LONP1: variants seen among roughly 807,000 people sequenced by gnomAD.
The protein encoded by LONP1 is lon protease homolog, mitochondrial.
Under a neutral mutation model 98.5 loss-of-function variants are expected in LONP1, and 31 were observed. The ratio of observed to expected loss-of-function variants is 0.31; its 90% CI spans 0.24 to 0.42. The LOEUF (loss-of-function observed/expected upper bound fraction) is 0.42. LONP1 is among the 20% of genes least tolerant of loss of function. LONP1 has a pLI of 1.00. For synonymous variants in LONP1, 781 were observed against 594.7 expected (o/e 1.31, Z -4.56); for missense variants, 1,336 against 1,350.6 (o/e 0.99, Z 0.17).
At chr19:5,716,830 G>C (rs1348203786) in intron 1 of LONP1, among the ~76,000 whole-genome samples, 3 of 152,192 alleles carry the variant, frequency 2.0e-5, no homozygotes, top group African/African-American at 7.2e-5. Flanking sequence ...GTCTTGCTCT[G>C]TCGCCCAGGC....
In LONP1 at chr19:5,719,889, C is replaced by T. The variant is rs2055405037; in HGVS notation, c.244G>A (p.Gly82Ser). The T allele has an allele frequency of 1.9e-6, 3 of 1,567,162 alleles. No homozygotes were observed. Among genetic ancestry groups the T allele is most frequent in the South Asian group, 1.2e-5 (1 of 86,850 alleles). Reference protein sequence around the residue: ...SSRGGGAFSGGEDASEGGAEE... With the variant: ...SSRGGGAFSGSEDASEGGAEE... ...GCGCCGCCCTCGGAGGCGTCCTCGC[C>T]CCCCGAGAATGCGCCTCCGCCGCGG... The change falls in exon 1 of 18, where the codon GGC becomes AGC. Residue 82 changes from glycine to serine, a missense_variant. Coordinates refer to ENST00000360614, the MANE Select transcript of LONP1 (RefSeq NM_004793.4).
At chr19:5,702,806 A>C (rs553834440) in intron 8 of LONP1, among the ~76,000 whole-genome samples, 1 of 151,356 alleles carries the variant, frequency 6.6e-6, no homozygotes, top group South Asian at 2.1e-4. Context: ...TGTTAAACAG[A>C]TGCTTGAAGG....
At chr19:5,697,799 C>T (rs1033950078) in intron 10 of LONP1, among the ~76,000 whole-genome samples, 22 of 152,122 alleles carry the variant, frequency 1.4e-4, no homozygotes, top group African/African-American at 4.8e-4. Flanking sequence ...AGACGCCTGC[C>T]CTCCCCGCAG....
chr19:5,694,108 C>T (rs372645806), intron 15 of LONP1, among the ~76,000 whole-genome samples: 23 of 152,322 alleles, frequency 1.5e-4, no homozygotes, highest in African/African-American at 5.1e-4. Flanking sequence ...CTCCTTTGTG[C>T]GTGGTGGCCC....
chr19:5,718,344 G>A (rs1272926204), intron 1 of LONP1, among the ~76,000 whole-genome samples: 3 of 152,094 alleles, frequency 2.0e-5, no homozygotes. Context: ...CAGCCACGGT[G>A]GCGGGCGCCT....
At chr19:5,717,398 C>T (rs2055340294) in intron 1 of LONP1, 1 of 152,218 alleles carries the variant, frequency 6.6e-6, no homozygotes, top group African/African-American at 2.4e-5. Context: ...TTATGATTTA[C>T]AATGCATCAT....
chr19:5,701,596 G>T (rs2055044897), intron 8 of LONP1, among the ~76,000 whole-genome samples: 3 of 152,226 alleles, frequency 2.0e-5, no homozygotes, highest in Non-Finnish European at 4.4e-5. Flanking sequence ...GCCTCCCGAG[G>T]TGCCGGGATT....
At chr19:5,693,908 G>A (rs1033402334) in intron 15 of LONP1, 139 bp from the exon 16 acceptor site, 16 of 721,066 alleles carry the variant, frequency 2.2e-5, no homozygotes, top group African/African-American at 1.9e-4. Flanking sequence ...GTGTCCCATC[G>A]TGAGCCAACG....
chr19:5,697,959 A>T (rs1164376544), intron 10 of LONP1, among the ~76,000 whole-genome samples: 1 of 151,660 alleles, frequency 6.6e-6, no homozygotes, highest in Non-Finnish European at 1.5e-5. Context: ...CTTGCCCAGG[A>T]AGGACTGGGT....
chr19:5,715,643 TAAAAAAAAAAAAAAAAAAAAAAAA>T (rs527565499), intron 1 of LONP1, among the ~76,000 whole-genome samples: 2 of 31,092 alleles, frequency 6.4e-5, no homozygotes, highest in Admixed American at 5.6e-4. Context: ...CTCTGTCTCA[TAAAAAAAAAAAAAAAAAAAAAAAA>T]AAAAAAAAAA....
intron 13 of LONP1, 56 bp downstream of exon 13, chr19:5,695,998 T>TG (rs887899579): frequency 9.9e-6 from 15 of 1,515,756 alleles, no homozygotes; most frequent in African/African-American, 6.8e-5. Flanking sequence ...CTGCAGGCTC[T>TG]GGGGGGCGCC....
In LONP1 at chr19:5,708,394, C is replaced by T; in HGVS notation, c.880G>A (p.Ala294Thr). 1 of 1,601,134 alleles carries T rather than the reference C, an allele frequency of 6.2e-7. No individual in the cohort carries two copies. The highest frequency in any genetic ancestry group is 8.5e-7 in the Non-Finnish European group (1 of 1,173,902). Residue 294 changes from alanine to threonine, a missense_variant, in exon 5 of 18, where the codon GCA becomes ACA. Ala to Thr is a moderately conservative substitution (Grantham distance 58). Transcript: ENST00000360614. ...QVTEEVKALT[A>T]EIVKTIRDII... is the part of the protein sequence containing the mutation. Reference sequence around the variant, plus strand: ...TCCCGGATGGTCTTCACGATCTCTGCAGTCAGGGCCTGCCAAGTATGGGGC... The same window carrying T: ...TCCCGGATGGTCTTCACGATCTCTGTAGTCAGGGCCTGCCAAGTATGGGGC...
At position 5,692,219 on chromosome 19, in the gene LONP1, A is replaced by T. The variant is rs1203308500; in HGVS notation, c.2704-11T>A. ...CCCTGCGCGCTTGGCCTGGGGGCAG[A>T]GTCAGGGTCAGCCCTGCCTGGGCCT... On this transcript the variant is annotated splice_polypyrimidine_tract_variant and intron_variant, in intron 17 of 17. Coordinates refer to ENST00000360614, the MANE Select transcript of LONP1 (RefSeq NM_004793.4). 3.1e-6 allele frequency: 5 copies of T among 1,606,338 alleles called. No individual in the cohort carries two copies. The African/African-American group carries it at 4.0e-5, about 13-fold the overall frequency.
intron 1 of LONP1, chr19:5,715,046 CAAAAAAAAAAAAAA>C (rs5826897): frequency 1.6e-5 from 1 of 63,564 alleles, no homozygotes; most frequent in Non-Finnish European, 2.8e-5. Context: ...AACGCCTAAA[CAAAAAAAAAAAAAA>C]AAAAAAAAAA....
At chr19:5,720,377 C>A (rs144543071), upstream of LONP1, 320 of 615,782 alleles carry the variant, frequency 5.2e-4, no homozygotes, top group African/African-American at 5.6e-3. Flanking sequence ...TGAGCAGGCG[C>A]CAGCGCCCGT....
rs765429737 is a variant in LONP1, at chr19:5,711,987, T to C, written c.654A>G (p.Arg218=). The change falls in exon 4 of 18, where the codon AGA becomes AGG. Residue 218 remains arginine, a synonymous_variant. Coordinates refer to ENST00000360614, the MANE Select transcript of LONP1 (RefSeq NM_004793.4). ...GCTCCTCGGGCTCCACCTCCAGCTGTCTGCTGATATGGACTCTGACACGGG... is the reference window on the plus strand; with the variant it reads ...GCTCCTCGGGCTCCACCTCCAGCTGCCTGCTGATATGGACTCTGACACGGG... ...VMGHRRVHIS[R]QLEVEPEEPE... 1 of 1,612,690 alleles carries C rather than the reference T, an allele frequency of 6.2e-7. No homozygotes were observed. The highest frequency in any genetic ancestry group is 1.1e-5 in the South Asian group (1 of 91,066).
intron 17 of LONP1, 72 bp downstream of exon 17, chr19:5,693,226 G>A: frequency 6.6e-7 from 1 of 1,524,208 alleles, no homozygotes; most frequent in Non-Finnish European, 8.9e-7. Context: ...GAGGTTGCAT[G>A]GCGGGGACTG....
In LONP1 at chr19:5,692,004, T is replaced by C. The variant is rs1477148304; in HGVS notation, c.*28A>G. Reference sequence around the variant, plus strand: ...GTTCTGGCCCAGACAGGGCCTGACATCCGCCGCCTGCAGTCCCGGGGTGGC... The same window carrying C: ...GTTCTGGCCCAGACAGGGCCTGACACCCGCCGCCTGCAGTCCCGGGGTGGC... On this transcript the variant is annotated 3_prime_UTR_variant, in exon 18 of 18. Coordinates refer to ENST00000360614, the MANE Select transcript of LONP1 (RefSeq NM_004793.4). 2 of 1,597,210 alleles carry C rather than the reference T, an allele frequency of 1.3e-6. No homozygotes were observed. Among genetic ancestry groups the C allele is most frequent in the Non-Finnish European group, 1.7e-6 (2 of 1,170,716 alleles).
Position 5,692,201 on chromosome 19 carries a change from C to T in LONP1, c.2711G>A (p.Arg904His), listed in dbSNP as rs112807920. The change falls in exon 18 of 18, where the codon CGC (arginine) becomes CAC (histidine). Residue 904 changes from arginine (R) to histidine (H), a missense_variant. Around this residue, in one of 5 missense-constraint regions of LONP1, gnomAD observed 555 missense variants for 542.6 expected, o/e 1.02. Coordinates refer to ENST00000360614, the MANE Select transcript of LONP1 (RefSeq NM_004793.4). ...CAGGACGATGCACGTCACCCCTGCG[C>T]GCTTGGCCTGGGGGCAGAGTCAGGG... ...GIKEKTIAAK[R>H]AGVTCIVLPA... 2.1e-4 allele frequency: 335 copies of T among 1,611,688 alleles called. 3 individuals carry two copies. In the African/African-American group the frequency reaches 4.0e-3, roughly 19 times the overall value.
Sources: gnomAD v4.1 joint callset for allele counts (sites outside exome capture counted in the v4.1 genomes callset) on GRCh38, gnomAD v4.1.1 for gene constraint, gnomAD v4.1.1 regional missense constraint, MANE v1.5 for transcripts, NCBI Gene and HGNC (gene_info 2026-07-23, HGNC 2026-07-21) for gene names.